Variants in RBP3 observed in about 807,000 individuals in gnomAD.
RBP3 encodes the protein retinol binding protein 3.
RBP3 carries 50 observed loss-of-function variants against 64.8 expected under a neutral mutation model. The observed-to-expected ratio is 0.77, with a 90% CI of 0.61 to 0.98. The LOEUF (loss-of-function observed/expected upper bound fraction) is 0.98, where lower values mean the gene tolerates loss of function less well. Among genes scored for constraint, RBP3 ranks in the 50% least tolerant of loss-of-function variants. The pLI is 0.00. For missense variants in RBP3, 1,712 were observed against 1,660.5 expected, an observed-to-expected ratio of 1.03 and a Z score of -0.54; for synonymous variants, 828 against 730.2, an observed-to-expected ratio of 1.13 and a Z score of -2.16.
At position 47,353,357 on chromosome 10, in the gene RBP3, CAA is replaced by C. The variant is rs1397020961; in HGVS notation, c.3088_3089del (p.Lys1030ValfsTer6). 6.2e-7 allele frequency: 1 copy of C among 1,613,948 alleles called. No individual in the cohort carries two copies. The highest frequency in any genetic ancestry group is 8.5e-7 in the Non-Finnish European group (1 of 1,180,048). ...CCCCTGAAGTATTTGAAGAGCTGATCAAGTTTTCCTTCCACACTAACGTGCTT... is the reference window on the plus strand; with the variant it reads ...CCCCTGAAGTATTTGAAGAGCTGATCGTTTTCCTTCCACACTAACGTGCTT... ...PSPEVFEELI[K>X]FSFHTNVLED... On this transcript the variant is annotated frameshift_variant, in exon 2 of 4. Coordinates refer to ENST00000584701, the MANE Select transcript of RBP3 (RefSeq NM_002900.3). LOFTEE classifies it high-confidence loss of function.
chr10:47,354,744 A>G (rs930716284), intron 2 of RBP3, among the ~76,000 whole-genome samples: 1 of 152,178 alleles, frequency 6.6e-6, no homozygotes, highest in Admixed American at 6.5e-5. Flanking sequence ...GAACCCAGCC[A>G]GGCCATCCCA....
In RBP3 at chr10:47,350,157, C is replaced by T. The variant is rs376396466; in HGVS notation, c.1673C>T (p.Ser558Leu). The T allele has an allele frequency of 2.2e-5, 35 of 1,612,486 alleles. No homozygotes were observed. The highest frequency in any genetic ancestry group is 1.6e-4 in the South Asian group (15 of 91,084). The stretch of plus-strand genomic sequence containing the variant: ...GAGGAGTTCGCCTTCCTTATGCAGT[C>T]GCTGGGCTGGGCCACACTGGTAGGT... ...AAEEFAFLMQ[S>L]LGWATLVGEI... Residue 558 changes from serine to leucine, a missense_variant, in exon 1 of 4, where the codon TCG (serine) becomes TTG (leucine). Physicochemically the swap from Ser to Leu is moderately radical, Grantham distance 145. Coordinates refer to ENST00000584701, the MANE Select transcript of RBP3 (RefSeq NM_002900.3).
rs781921253 is a variant in RBP3 at position 47,350,420 on chromosome 10, C to A, written c.1936C>A (p.Leu646Met). ...GGCCTTGGTGGAGGGCACAGGGCAC[C>A]TGCTGGAGGCCCACTATGCTCGGCC... is the stretch of plus-strand genomic sequence containing the variant. ...LGALVEGTGH[L>M]LEAHYARPEV... Residue 646 changes from leucine (L) to methionine (M), a missense_variant, in exon 1 of 4, where the codon CTG becomes ATG. Leu to Met is a conservative substitution (Grantham distance 15, BLOSUM62 2). Transcript: ENST00000584701. 2 of 1,612,222 alleles carry A rather than the reference C, an allele frequency of 1.2e-6. No homozygotes were observed. Among genetic ancestry groups the A allele is most frequent in the African/African-American group, 1.3e-5 (1 of 75,062 alleles).
Position 47,348,389 on chromosome 10 carries a change from G to C in RBP3, c.-96G>C. 1 of 1,417,512 alleles carries C rather than the reference G, an allele frequency of 7.1e-7. No individual in the cohort carries two copies. Among genetic ancestry groups the C allele is most frequent in the Non-Finnish European group, 9.6e-7 (1 of 1,038,400 alleles). 87.8% of individuals were successfully genotyped at this position (1,417,512 alleles called of 1,614,324 possible). A position where few individuals can be genotyped will look rare whatever the true frequency, so the allele number is the denominator to read the frequency against. ...GACCTTCTGTCCACCAGCTGAGAAGGACAAGGGCGGAAGGCAGCTGCACAG... is the reference window on the plus strand; with the variant it reads ...GACCTTCTGTCCACCAGCTGAGAAGCACAAGGGCGGAAGGCAGCTGCACAG... On this transcript the variant is annotated 5_prime_UTR_variant, in exon 1 of 4. Coordinates refer to ENST00000584701, the MANE Select transcript of RBP3 (RefSeq NM_002900.3).
intron 2 of RBP3, among the ~76,000 whole-genome samples, chr10:47,354,828 C>G (rs1200787952): frequency 2.0e-5 from 3 of 152,178 alleles, no homozygotes; most frequent in Non-Finnish European, 4.4e-5. Context: ...CGAGGTCACA[C>G]AGTGGGACAA....
Position 47,350,579 on chromosome 10 carries a change from T to C in RBP3, c.2095T>C (p.Leu699=), listed in dbSNP as rs17095789. 17,861 of 1,612,912 alleles carry C rather than the reference T, an allele frequency of 0.011. 1,587 individuals carry two copies. The African/African-American group carries it at 0.2, about 18-fold the overall frequency. ...CCAGGAGGTGTCTGGGGACCACCGCTTGCTAGTGTTCCACAGCCCTGGCGA... is the reference window on the plus strand; with the variant it reads ...CCAGGAGGTGTCTGGGGACCACCGCCTGCTAGTGTTCCACAGCCCTGGCGA... ...DLQEVSGDHR[L]LVFHSPGELV... Residue 699 remains leucine, a synonymous_variant, in exon 1 of 4, where the codon TTG becomes CTG. Coordinates refer to ENST00000584701, the MANE Select transcript of RBP3 (RefSeq NM_002900.3).
At chr10:47,354,442 C>T (rs1007816427) in intron 2 of RBP3, among the ~76,000 whole-genome samples, 1 of 152,208 alleles carries the variant, frequency 6.6e-6, no homozygotes, top group African/African-American at 2.4e-5. Flanking sequence ...AGGTGGCTCT[C>T]GGTCCTGCAC....
chr10:47,350,525 T>G lies in RBP3; in HGVS notation c.2041T>G (p.Ser681Ala). The G allele has an allele frequency of 6.2e-7, 1 of 1,612,648 alleles. No individual in the cohort carries two copies. Among genetic ancestry groups the G allele is most frequent in the Non-Finnish European group, 8.5e-7 (1 of 1,179,952 alleles). The change falls in exon 1 of 4, where the codon TCT (serine) becomes GCT (alanine). Residue 681 changes from serine (S) to alanine (A), a missense_variant. Physicochemically the swap from Ser to Ala is moderately conservative, Grantham distance 99 (BLOSUM62 1). Coordinates refer to ENST00000584701, the MANE Select transcript of RBP3 (RefSeq NM_002900.3). The part of the protein sequence containing the change: ...GAYRTAVDLE[S>A]LASQLTADLQ... ...CTACCGCACAGCTGTGGACTTGGAG[T>G]CTCTGGCCTCTCAGCTCACAGCAGA... is the stretch of plus-strand genomic sequence containing the variant.
At position 47,350,897 on chromosome 10, in the gene RBP3, C is replaced by T. The variant is rs782478657; in HGVS notation, c.2413C>T (p.Pro805Ser). The change falls in exon 1 of 4, where the codon CCC (proline) becomes TCC (serine). Residue 805 changes from proline to serine, a missense_variant. Transcript: ENST00000584701. ...CTGCTCCTACTTCTTTGAGGCAGAG[C>T]CCCGCCAGCACCTGTATTCTGTCTT... Reference protein sequence around the residue: ...LLCSYFFEAEPRQHLYSVFDR... With the variant: ...LLCSYFFEAESRQHLYSVFDR... 1 of 1,612,560 alleles carries T rather than the reference C, an allele frequency of 6.2e-7. No homozygotes were observed. Among genetic ancestry groups the T allele is most frequent in the Admixed American group, 1.7e-5 (1 of 59,962 alleles).
chr10:47,350,987 G>A lies in RBP3; in HGVS notation c.2503G>A (p.Gly835Ser), dbSNP rs782480179. 94 of 1,611,600 alleles carry A rather than the reference G, an allele frequency of 5.8e-5. No individual in the cohort carries two copies. Among genetic ancestry groups the A allele is most frequent in the Middle Eastern group, 4.9e-4 (3 of 6,084 alleles). The change falls in exon 1 of 4, where the codon GGC (glycine) becomes AGC (serine). Residue 835 changes from glycine (G) to serine (S), a missense_variant. Coordinates refer to ENST00000584701, the MANE Select transcript of RBP3 (RefSeq NM_002900.3). ...GCCCCAGGTCGCCGGCCAGCGCTAC[G>A]GCTCACACAAGGACCTCTACATCCT... ...TLPQVAGQRYGSHKDLYILMS... is the reference protein window; with the variant it reads ...TLPQVAGQRYSSHKDLYILMS...
In RBP3 at chr10:47,348,772, C is replaced by T. The variant is rs781927571; in HGVS notation, c.288C>T (p.Pro96=). 44 of 1,613,492 alleles carry T rather than the reference C, an allele frequency of 2.7e-5. No individual in the cohort carries two copies. Among genetic ancestry groups the T allele is most frequent in the East Asian group, 1.6e-4 (7 of 44,882 alleles). ...RLVISYEPST[P]EPPPQVPALT... is the part of the protein sequence containing the mutation. ...TCATCTCCTATGAGCCCAGCACCCC[C>T]GAGCCTCCCCCACAAGTCCCAGCAC... Residue 96 remains proline, a synonymous_variant, in exon 1 of 4, where the codon CCC becomes CCT. Coordinates refer to ENST00000584701, the MANE Select transcript of RBP3 (RefSeq NM_002900.3).
At chr10:47,354,921 C>T (rs1225302074) in intron 2 of RBP3, among the ~76,000 whole-genome samples, 2 of 152,172 alleles carry the variant, frequency 1.3e-5, no homozygotes, top group African/African-American at 4.8e-5. Context: ...CACTAAGTGC[C>T]CTGTTAAGAC....
Position 47,355,388 on chromosome 10 carries a change from T to C in RBP3, c.3258T>C (p.Gly1086=), listed in dbSNP as rs1555211911. ...TCCCATCCTTCAGGTTCAACATCGG[T>C]GGCCCCACATCCTCCATTCCCATCT... ...AMIIDMRFNI[G]GPTSSIPILC... is the part of the protein sequence containing the mutation. Residue 1086 remains glycine, a synonymous_variant, in exon 3 of 4, where the codon GGT becomes GGC. Transcript: ENST00000584701. The C allele has an allele frequency of 1.2e-6, 2 of 1,613,836 alleles. No homozygotes were observed. The highest frequency in any genetic ancestry group is 8.5e-7 in the Non-Finnish European group (1 of 1,180,048).
At chr10:47,355,299 T>C (rs1316068995) in intron 2 of RBP3, 77 bp from the exon 3 acceptor site, 23 of 1,592,778 alleles carry the variant, frequency 1.4e-5, no homozygotes, top group Non-Finnish European at 2.0e-5. Flanking sequence ...GGGACAAAGA[T>C]CCTGGCCTCC....
rs139717453 is a variant in RBP3 at position 47,357,621 on chromosome 10, CAT to C, written c.*165_*166del. On this transcript the variant is annotated 3_prime_UTR_variant, in exon 4 of 4. Transcript: ENST00000584701. ...AGGTGTGTATATATACACACACACACATGTATATACACATATATATGTGTATG... is the reference window on the plus strand; with the variant it reads ...AGGTGTGTATATATACACACACACACGTATATACACATATATATGTGTATG... 1.9e-3 allele frequency: 1,118 copies of C among 598,236 alleles called. 8 individuals carry two copies. The highest frequency in any genetic ancestry group is 0.018 in the African/African-American group (973 of 53,840). The allele number at this position is 598,236 out of a possible 1,614,324, so 37.1% of individuals were successfully genotyped here.
chr10:47,351,176 G>A lies in RBP3; in HGVS notation c.2692G>A (p.Ala898Thr), dbSNP rs1555211528. The change falls in exon 1 of 4, where the codon GCC becomes ACC. Residue 898 changes from alanine (A) to threonine (T), a missense_variant. Transcript: ENST00000584701. ...PLYASMPTQMAMSATTGKAWD... is the reference protein window; with the variant it reads ...PLYASMPTQMTMSATTGKAWD... ...ATATGCATCCATGCCCACCCAGATG[G>A]CCATGAGTGCCACCACAGGCAAGGC... The A allele has an allele frequency of 4.3e-6, 7 of 1,613,140 alleles. No homozygotes were observed. The highest frequency in any genetic ancestry group is 5.9e-6 in the Non-Finnish European group (7 of 1,180,032).
intron 3 of RBP3, among the ~76,000 whole-genome samples, chr10:47,356,421 A>G (rs183249184): frequency 6.6e-6 from 1 of 152,290 alleles, no homozygotes; most frequent in Admixed American, 6.5e-5. Flanking sequence ...GCCACCAAGC[A>G]TTTGAAATGT....
chr10:47,353,390 C>A lies in RBP3; in HGVS notation c.3120C>A (p.Asp1040Glu). 1.2e-6 allele frequency: 2 copies of A among 1,614,118 alleles called. No homozygotes were observed. The highest frequency in any genetic ancestry group is 1.3e-5 in the African/African-American group (1 of 75,036). ...KFSFHTNVLEDNIGYLRFDMF... is the reference protein window; with the variant it reads ...KFSFHTNVLEENIGYLRFDMF... ...CCTTCCACACTAACGTGCTTGAGGA[C>A]AACATTGGCTACTTGAGGTTTGACA... Residue 1040 changes from aspartate (D) to glutamate (E), a missense_variant, in exon 2 of 4, where the codon GAC becomes GAA. Physicochemically the swap from Asp to Glu is conservative, Grantham distance 45. Coordinates refer to ENST00000584701, the MANE Select transcript of RBP3 (RefSeq NM_002900.3).
At chr10:47,354,676 A>G (rs1837023090) in intron 2 of RBP3, among the ~76,000 whole-genome samples, 1 of 152,208 alleles carries the variant, frequency 6.6e-6, no homozygotes, top group Non-Finnish European at 1.5e-5. Flanking sequence ...ACTTTGCTTA[A>G]AGACCCTCCC....
Sources: allele counts gnomAD v4.1 joint callset (sites outside exome capture counted in the v4.1 genomes callset), GRCh38; gene constraint gnomAD v4.1.1; transcripts MANE v1.5; gene names NCBI Gene and HGNC (gene_info 2026-07-23, HGNC 2026-07-21).